The following FBXL7 variants were observed in gnomAD, a reference collection of about 807,000 sequenced individuals.
FBXL7 encodes the protein F-box and leucine rich repeat protein 7.
In FBXL7, 12 loss-of-function variants were observed where a neutral mutation model predicts 38.3. The ratio of observed to expected loss-of-function variants is 0.31; its 90% CI spans 0.20 to 0.51. FBXL7 has a LOEUF of 0.51. Ranked by LOEUF, FBXL7 falls within the 20% of genes least tolerant of loss-of-function variation. FBXL7 has a pLI of 0.98. For synonymous variants in FBXL7, 297 were observed against 300.9 expected (o/e 0.99, Z 0.13); for missense variants, 567 against 676.4 (o/e 0.84, Z 1.79).
At chr5:15,670,728 G>A (rs766339261) in intron 2 of FBXL7, among the ~76,000 whole-genome samples, 13 of 152,100 alleles carry the variant, frequency 8.5e-5, no homozygotes, top group African/African-American at 1.2e-4. Flanking sequence ...TTGAACCTGA[G>A]AGGTGGAGGT....
chr5:15,870,352 C>A (rs1039451580), intron 2 of FBXL7, among the ~76,000 whole-genome samples: 1 of 152,096 alleles, frequency 6.6e-6, no homozygotes, highest in Non-Finnish European at 1.5e-5. Context: ...GCTTAAAGAC[C>A]ATGCTGTGGA....
chr5:15,761,026 G>A (rs906430341), intron 2 of FBXL7, among the ~76,000 whole-genome samples: 15 of 151,972 alleles, frequency 9.9e-5, no homozygotes, highest in Non-Finnish European at 2.2e-4. Context: ...AAATGAAAGA[G>A]TAAGAAATGG....
chr5:15,848,935 A>G (rs1029432526), intron 2 of FBXL7, among the ~76,000 whole-genome samples: 2 of 152,196 alleles, frequency 1.3e-5, no homozygotes, highest in African/African-American at 2.4e-5. Flanking sequence ...TTCAAATGCT[A>G]TAGTCTGGAT....
At chr5:15,777,416 A>G (rs150690512) in intron 2 of FBXL7, among the ~76,000 whole-genome samples, 1 of 152,086 alleles carries the variant, frequency 6.6e-6, no homozygotes, top group Non-Finnish European at 1.5e-5. Flanking sequence ...ATTCCCTATC[A>G]TCTACCTGTG....
chr5:15,519,810 C>A (rs1737049037), intron 1 of FBXL7, among the ~76,000 whole-genome samples: 1 of 152,138 alleles, frequency 6.6e-6, no homozygotes, highest in African/African-American at 2.4e-5. Context: ...TTCCTATCCC[C>A]TTTTGTTACA....
At chr5:15,588,246 C>T (rs1739358050) in intron 1 of FBXL7, among the ~76,000 whole-genome samples, 1 of 152,134 alleles carries the variant, frequency 6.6e-6, no homozygotes, top group East Asian at 1.9e-4. Context: ...AACATGAATG[C>T]TGTTATTCCC....
In FBXL7 at chr5:15,928,041, G is replaced by GCCCCCCCCCCCCC; in HGVS notation, c.279_280insCCCCCCCCCCCCC (p.Thr94ProfsTer143). On this transcript the variant is annotated frameshift_variant, in exon 3 of 4. Coordinates refer to ENST00000504595, the MANE Select transcript of FBXL7 (RefSeq NM_012304.5). LOFTEE classifies it high-confidence loss of function. The surrounding 1 kb of genome is among the most constrained non-coding windows in gnomAD (Gnocchi z 4.0). ...TGGCCATGGTGCACTCCCCGCCCCCGACCCGCCTCACACACCCGCTCATCC... is the reference window on the plus strand; with the variant it reads ...TGGCCATGGTGCACTCCCCGCCCCCGCCCCCCCCCCCCCACCCGCCTCACACACCCGCTCATCC... The GCCCCCCCCCCCCC allele has an allele frequency of 7.0e-7, 1 of 1,436,844 alleles. No individual in the cohort carries two copies. Among genetic ancestry groups the GCCCCCCCCCCCCC allele is most frequent in the Non-Finnish European group, 9.2e-7 (1 of 1,090,542 alleles). The allele number at this position is 1,436,844 out of a possible 1,614,324, so 89.0% of individuals were successfully genotyped here.
At chr5:15,742,584 G>T (rs764805113) in intron 2 of FBXL7, among the ~76,000 whole-genome samples, 2 of 152,162 alleles carry the variant, frequency 1.3e-5, no homozygotes, top group Non-Finnish European at 2.9e-5. Context: ...CTGATGAACA[G>T]GTAGGACTAC....
intron 2 of FBXL7, among the ~76,000 whole-genome samples, chr5:15,688,174 C>T (rs1318791749): frequency 2.6e-5 from 4 of 152,058 alleles, no homozygotes; most frequent in East Asian, 1.9e-4. Context: ...TTATATATGT[C>T]GGTTATTATC....
At chr5:15,755,202 C>G (rs909019096) in intron 2 of FBXL7, among the ~76,000 whole-genome samples, 1 of 152,152 alleles carries the variant, frequency 6.6e-6, no homozygotes, top group African/African-American at 2.4e-5. Context: ...AGGCTCAGCT[C>G]AGGAGAAATT....
At chr5:15,811,881 T>G (rs555592600) in intron 2 of FBXL7, among the ~76,000 whole-genome samples, 2 of 152,276 alleles carry the variant, frequency 1.3e-5, no homozygotes, top group East Asian at 1.9e-4. Context: ...GCTTTTACAC[T>G]GTTGGTGGGA....
chr5:15,601,169 A>G (rs1739775943), intron 1 of FBXL7, among the ~76,000 whole-genome samples: 1 of 152,192 alleles, frequency 6.6e-6, no homozygotes, highest in Non-Finnish European at 1.5e-5. Context: ...CATGGCTTCT[A>G]AGGTGCTCCC....
chr5:15,928,559 T>TG lies in FBXL7; in HGVS notation c.739+62dup. On this transcript the variant is annotated intron_variant, in intron 3 of 3. Coordinates refer to ENST00000504595, the MANE Select transcript of FBXL7 (RefSeq NM_012304.5). The surrounding 1 kb of genome is among the most constrained non-coding windows in gnomAD (Gnocchi z 4.0). Reference sequence around the variant, plus strand: ...CTCCTGGTGCACCATCCTAAAACAGTGGGGACAGTGCCACCACCGGAGGGT... The same window carrying TG: ...CTCCTGGTGCACCATCCTAAAACAGTGGGGGACAGTGCCACCACCGGAGGGT... 1 of 1,548,578 alleles carries TG rather than the reference T, an allele frequency of 6.5e-7. No individual in the cohort carries two copies. Among genetic ancestry groups the TG allele is most frequent in the Non-Finnish European group, 8.7e-7 (1 of 1,146,684 alleles).
Position 15,519,014 on chromosome 5 carries a change from T to C in FBXL7, c.37+18301T>C, listed in dbSNP as rs531419094. Among the ~76,000 whole-genome samples the C allele has an allele frequency of 3.9e-5, 6 of 152,130 alleles. No individual in the cohort carries two copies. In the East Asian group the frequency reaches 1.2e-3, roughly 30 times the overall value. ...AAGAGCATACAGTGGGAGTTGCTGT[T>C]TAAGCAACTTCAGAGCCAACCAGCA... On this transcript the variant is annotated intron_variant, in intron 1 of 3. Coordinates refer to ENST00000504595, the MANE Select transcript of FBXL7 (RefSeq NM_012304.5).
chr5:15,607,069 C>A (rs919143390), intron 1 of FBXL7: 9 of 152,120 alleles, frequency 5.9e-5, no homozygotes, highest in African/African-American at 2.2e-4. Flanking sequence ...TTTCAAGATA[C>A]CAGTCAGGAA....
intron 2 of FBXL7, among the ~76,000 whole-genome samples, chr5:15,733,631 A>G (rs1735671548): frequency 6.6e-6 from 1 of 152,204 alleles, no homozygotes; most frequent in Non-Finnish European, 1.5e-5. Context: ...TTGGAGTCTG[A>G]CATAAATATA....
At chr5:15,807,414 A>C (rs1030935611) in intron 2 of FBXL7, among the ~76,000 whole-genome samples, 2 of 152,190 alleles carry the variant, frequency 1.3e-5, no homozygotes, top group African/African-American at 4.8e-5. Flanking sequence ...GGAGATGACC[A>C]TGGGGAAGGA....
intron 2 of FBXL7, among the ~76,000 whole-genome samples, chr5:15,702,342 T>G (rs573476662): frequency 1.3e-5 from 2 of 152,260 alleles, no homozygotes; most frequent in South Asian, 4.2e-4. Flanking sequence ...GTGAGACTTT[T>G]TGGTTTGCAA....
intron 2 of FBXL7, among the ~76,000 whole-genome samples, chr5:15,766,039 T>TACCTAC: frequency 1.7e-5 from 2 of 114,960 alleles, no homozygotes; most frequent in Admixed American, 1.8e-4. Flanking sequence ...TGTCTGTCTG[T>TACCTAC]CTATCTACCT....
Sources: allele counts gnomAD v4.1 joint callset (sites outside exome capture counted in the v4.1 genomes callset), GRCh38; gene constraint gnomAD v4.1.1; non-coding constraint Gnocchi (gnomAD v3.1); transcripts MANE v1.5; gene names NCBI Gene and HGNC (gene_info 2026-07-23, HGNC 2026-07-21).